Variants in RSRC1 observed in about 807,000 individuals in gnomAD.
The protein encoded by RSRC1 is serine/Arginine-related protein 53.
RSRC1 carries 39 observed loss-of-function variants against 49.1 expected under a neutral mutation model. The ratio of observed to expected loss-of-function variants is 0.79; its 90% confidence interval spans 0.61 to 1.04. The LOEUF (loss-of-function observed/expected upper bound fraction) is 1.04, where lower values mean the gene tolerates loss of function less well. Ranked by LOEUF, RSRC1 falls within the 50% of genes least tolerant of loss-of-function variation. The pLI, the probability that RSRC1 is intolerant of heterozygous loss-of-function variation, is 0.00. For missense variants in RSRC1, 388 were observed against 402.4 expected, an observed-to-expected ratio of 0.96 and a Z score of 0.31; for synonymous variants, 143 against 130.8, an observed-to-expected ratio of 1.09 and a Z score of -0.63.
intron 6 of RSRC1, among the ~76,000 whole-genome samples, chr3:158,369,419 C>T (rs1157129361): frequency 6.6e-6 from 1 of 151,844 alleles, no homozygotes; most frequent in Non-Finnish European, 1.5e-5. Flanking sequence ...AATCATTGCT[C>T]AGTATTTTGC....
In RSRC1 at chr3:158,203,207, T is replaced by G. The variant is rs376742600; in HGVS notation, c.456T>G (p.Asp152Glu). 1 of 1,607,940 alleles carries G rather than the reference T, an allele frequency of 6.2e-7. No individual in the cohort carries two copies. The highest frequency in any genetic ancestry group is 1.1e-5 in the South Asian group (1 of 89,818). Residue 152 changes from aspartate to glutamate, a missense_variant, in exon 4 of 10, where the codon GAT becomes GAG. Coordinates refer to ENST00000611884, the MANE Select transcript of RSRC1 (RefSeq NM_001271838.2). ...RDKEKREKEK[D>E]KGKDKELHNI... ...AAGAGAAAAGAGAAAAGGAGAAGGA[T>G]AAAGGGAAGGACAAGGAATTACATA... is the stretch of plus-strand genomic sequence containing the variant.
intron 6 of RSRC1, among the ~76,000 whole-genome samples, chr3:158,371,744 A>G (rs567580822): frequency 2.6e-5 from 4 of 151,984 alleles, no homozygotes; most frequent in Admixed American, 6.6e-5. Context: ...GATTGCTGGC[A>G]TAATAACTTT....
chr3:158,189,920 G>A, intron 3 of RSRC1, among the ~76,000 whole-genome samples: 1 of 151,328 alleles, frequency 6.6e-6, no homozygotes, highest in South Asian at 2.1e-4. Context: ...AGAATTTGTT[G>A]CATGGTCTTG....
At chr3:158,199,080 A>G (rs1401149094) in intron 3 of RSRC1, among the ~76,000 whole-genome samples, 1 of 152,086 alleles carries the variant, frequency 6.6e-6, no homozygotes, top group Non-Finnish European at 1.5e-5. Context: ...GGTCTTTCTC[A>G]CGCTATTCTC....
chr3:158,299,247 G>GT (rs1426129052), intron 5 of RSRC1, among the ~76,000 whole-genome samples: 1 of 152,126 alleles, frequency 6.6e-6, no homozygotes, highest in African/African-American at 2.4e-5. Context: ...TCACATTCCA[G>GT]TATCAGTTAG....
Position 158,507,334 on chromosome 3 carries a change from A to G in RSRC1, c.653-29758A>G, listed in dbSNP as rs563883785. On this transcript the variant is annotated intron_variant, in intron 7 of 9. Transcript: ENST00000611884. ...TTTGATAGTACAGTAGGGAAACTAT[A>G]ATTAACTATAATATTTATTATATAT... Among the ~76,000 whole-genome samples the G allele has an allele frequency of 2.0e-5, 3 of 152,220 alleles. No individual in the cohort carries two copies. In the South Asian group the frequency reaches 6.2e-4, roughly 32 times the overall value.
chr3:158,369,736 C>A (rs1731966097), intron 6 of RSRC1, among the ~76,000 whole-genome samples: 1 of 151,936 alleles, frequency 6.6e-6, no homozygotes, highest in Admixed American at 6.6e-5. Context: ...GTCTTGTCAT[C>A]CCAAAAAAGC....
intron 6 of RSRC1, among the ~76,000 whole-genome samples, chr3:158,358,717 A>G (rs1731298664): frequency 6.6e-6 from 1 of 151,882 alleles, no homozygotes; most frequent in African/African-American, 2.4e-5. Flanking sequence ...CATTGCAATC[A>G]CTCCAGAGTG....
intron 7 of RSRC1, among the ~76,000 whole-genome samples, chr3:158,479,834 A>G (rs141074005): frequency 1.3e-3 from 204 of 152,212 alleles, no homozygotes; most frequent in African/African-American, 4.5e-3. Context: ...TGGCCTAATT[A>G]CTAACAGATT....
At chr3:158,200,259 C>T (rs368526900) in intron 3 of RSRC1, among the ~76,000 whole-genome samples, 10 of 152,064 alleles carry the variant, frequency 6.6e-5, no homozygotes, top group African/African-American at 2.2e-4. Context: ...CGGATGGTCT[C>T]GATCTCCTGA....
intron 7 of RSRC1, among the ~76,000 whole-genome samples, chr3:158,464,349 T>C (rs917828994): frequency 6.6e-6 from 1 of 152,182 alleles, no homozygotes; most frequent in African/African-American, 2.4e-5. Flanking sequence ...CTCTCTAATA[T>C]GAATTTCCTA....
At chr3:158,423,397 T>C (rs372364692) in intron 6 of RSRC1, among the ~76,000 whole-genome samples, 17 of 151,984 alleles carry the variant, frequency 1.1e-4, no homozygotes, top group South Asian at 4.2e-4. Context: ...AGATATGCGG[T>C]GTTATTTCTG....
At chr3:158,244,574 G>C (rs140167601) in intron 4 of RSRC1, among the ~76,000 whole-genome samples, 1 of 152,224 alleles carries the variant, frequency 6.6e-6, no homozygotes, top group African/African-American at 2.4e-5. Flanking sequence ...ATATTGGCCT[G>C]AAGTTTTCTT....
intron 4 of RSRC1, among the ~76,000 whole-genome samples, chr3:158,289,861 T>G (rs1022193729): frequency 6.6e-6 from 1 of 152,208 alleles, no homozygotes; most frequent in African/African-American, 2.4e-5. Flanking sequence ...AATGTCCTTA[T>G]ATCAGGATAT....
Position 158,203,145 on chromosome 3 carries a change from C to T in RSRC1, c.394C>T (p.Arg132Trp), listed in dbSNP as rs201630053. The T allele has an allele frequency of 3.7e-5, 60 of 1,613,504 alleles. No homozygotes were observed. In the Middle Eastern group the frequency reaches 5.0e-4, roughly 13 times the overall value. ...ERSSHRRTRS[R>W]SRDRERRKGR... is the part of the protein sequence containing the mutation. ...GTCCAGTCACAGAAGAACGCGTAGT[C>T]GGTCTCGGGATAGAGAACGACGTAA... Residue 132 changes from arginine to tryptophan, a missense_variant, in exon 4 of 10, where the codon CGG becomes TGG. Arg to Trp is a moderately radical substitution (Grantham distance 101). Coordinates refer to ENST00000611884, the MANE Select transcript of RSRC1 (RefSeq NM_001271838.2).
At chr3:158,523,180 C>T (rs923084239) in intron 7 of RSRC1, among the ~76,000 whole-genome samples, 18 of 152,008 alleles carry the variant, frequency 1.2e-4, no homozygotes, top group African/African-American at 4.3e-4. Flanking sequence ...TGAAAAGTCT[C>T]TTATTAATCA....
intron 6 of RSRC1, among the ~76,000 whole-genome samples, chr3:158,403,034 A>G (rs943409268): frequency 6.6e-6 from 1 of 151,842 alleles, no homozygotes; most frequent in Non-Finnish European, 1.5e-5. Flanking sequence ...GGGTGCTAAT[A>G]CACTTTGAAT....
chr3:158,375,105 C>T lies in RSRC1; in HGVS notation c.583+20197C>T, dbSNP rs528409374. Among the ~76,000 whole-genome samples the T allele has an allele frequency of 1.4e-3, 188 of 130,144 alleles. 1 individual carries two copies. The highest frequency in any genetic ancestry group is 2.8e-3 in the Non-Finnish European group (168 of 59,588). 85.4% of individuals were successfully genotyped at this position (130,144 alleles called of 152,430 possible). On this transcript the variant is annotated intron_variant, in intron 6 of 9. Transcript: ENST00000611884. ...GACTTTTAAATTATTGTCATTCTAA[C>T]GACATTATGAAACTGTTAATCAAAG...
intron 6 of RSRC1, among the ~76,000 whole-genome samples, chr3:158,415,855 A>G (rs1734711864): frequency 6.6e-6 from 1 of 152,170 alleles, no homozygotes. Context: ...TCCCTTTAAG[A>G]TATGTAATTT....
Sources: gnomAD v4.1 joint callset for allele counts (sites outside exome capture counted in the v4.1 genomes callset) on GRCh38, gnomAD v4.1.1 for gene constraint, MANE v1.5 for transcripts, NCBI Gene and HGNC (gene_info 2026-07-23, HGNC 2026-07-21) for gene names.